The following EED variants were observed in gnomAD, a reference collection of about 807,000 sequenced individuals.
The protein encoded by EED is polycomb protein EED.
In EED, 9 loss-of-function variants were observed where a neutral mutation model predicts 61.0. The ratio of observed to expected loss-of-function variants is 0.15; its 90% CI spans 0.09 to 0.26. The LOEUF is 0.26. Ranked by LOEUF, EED falls within the 10% of genes least tolerant of loss-of-function variation. The pLI, the probability that EED is intolerant of heterozygous loss-of-function variation, is 1.00. For missense variants in EED, 315 were observed against 542.3 expected (o/e 0.58, Z 4.16); for synonymous variants, 187 against 174.4 (o/e 1.07, Z -0.57).
rs777795883 is a variant in EED at position 86,256,401 on chromosome 11, T to C, written c.441T>C (p.Phe147=). Reference sequence around the variant, plus strand: ...GAATTTCTTAGGCTGATGAAAACTTTTACACTTGTGCATGGACCTATGATA... The same window carrying C: ...GAATTTCTTAGGCTGATGAAAACTTCTACACTTGTGCATGGACCTATGATA... ...SYVDADADEN[F]YTCAWTYDSN... is the part of the protein sequence containing the mutation. Residue 147 remains phenylalanine (F), a synonymous_variant, in exon 5 of 12, where the codon TTT becomes TTC. Transcript: ENST00000263360. 5.0e-6 allele frequency: 8 copies of C among 1,587,566 alleles called. No homozygotes were observed. Among genetic ancestry groups the C allele is most frequent in the Admixed American group, 1.8e-5 (1 of 56,700 alleles).
At chr11:86,270,247 T>C (rs764017160) in intron 9 of EED, 77 of 560,184 alleles carry the variant, frequency 1.4e-4, no homozygotes, top group Non-Finnish European at 2.3e-4. Flanking sequence ...TGATGGCTAG[T>C]GATGTTGAAC....
At chr11:86,277,270 C>G in intron 10 of EED, 132 bp downstream of exon 10, 2 of 806,640 alleles carry the variant, frequency 2.5e-6, no homozygotes, top group Admixed American at 6.1e-5. Flanking sequence ...ATTACTTTGC[C>G]CTTTGATGTC....
chr11:86,272,769 G>A (rs1345588423), intron 9 of EED, among the ~76,000 whole-genome samples: 1 of 152,082 alleles, frequency 6.6e-6, no homozygotes, highest in Non-Finnish European at 1.5e-5. Context: ...AATTGAGTAA[G>A]TTTCTTGTAG....
Position 86,278,538 on chromosome 11 carries a change from TAATCA to T in EED, c.*16_*20del, listed in dbSNP as rs1946282488. 1 of 1,611,800 alleles carries T rather than the reference TAATCA, an allele frequency of 6.2e-7. No individual in the cohort carries two copies. The highest frequency in any genetic ancestry group is 1.3e-5 in the African/African-American group (1 of 74,890). ...TCGACTTCGATAAAATACTTTTGCC[TAATCA>T]AAATTAGAGTGTGTTTGTTGTCTGT... On this transcript the variant is annotated 3_prime_UTR_variant, in exon 12 of 12. Transcript: ENST00000263360.
At chr11:86,246,353 C>T (rs1337953623) in intron 1 of EED, among the ~76,000 whole-genome samples, 1 of 152,190 alleles carries the variant, frequency 6.6e-6, no homozygotes, top group Non-Finnish European at 1.5e-5. Context: ...TTTAAAAAAT[C>T]CTTAAAATGT....
chr11:86,273,429 A>G (rs913088516), intron 9 of EED, among the ~76,000 whole-genome samples: 1 of 152,258 alleles, frequency 6.6e-6, no homozygotes, highest in African/African-American at 2.4e-5. Context: ...TTCTTCAACC[A>G]TCAAACATAA....
In EED at chr11:86,255,399, C is replaced by T. The variant is rs368763280; in HGVS notation, c.426+112C>T. On this transcript the variant is annotated intron_variant, in intron 4 of 11. Transcript: ENST00000263360. ...CCTAAAGTTATTGTTCTTTCTTAAC[C>T]GATTTCTTCACTATCACCCAAGAGA... The T allele has an allele frequency of 3.4e-4, 286 of 851,094 alleles. 3 individuals are homozygous for T. In the South Asian group the frequency reaches 5.3e-3, roughly 16 times the overall value. 52.7% of individuals were successfully genotyped at this position (851,094 alleles called of 1,614,324 possible).
chr11:86,252,206 A>C lies in EED; in HGVS notation c.326A>C (p.Asp109Ala), dbSNP rs754218053. Reference protein sequence around the residue: ...VQFNWHSKEGDPLVFATVGSN... With the variant: ...VQFNWHSKEGAPLVFATVGSN... The stretch of plus-strand genomic sequence containing the variant: ...TTTAACTGGCACAGTAAAGAAGGAG[A>C]TCCATTAGTGTTTGCAACTGTAGGA... The change falls in exon 3 of 12, where the codon GAT (aspartate) becomes GCT (alanine). Residue 109 changes from aspartate (D) to alanine (A), a missense_variant. Coordinates refer to ENST00000263360, the MANE Select transcript of EED (RefSeq NM_003797.5). 1.2e-6 allele frequency: 2 copies of C among 1,611,922 alleles called. No homozygotes were observed. The highest frequency in any genetic ancestry group is 2.2e-5 in the South Asian group (2 of 90,830).
In EED at chr11:86,244,884, T is replaced by G; in HGVS notation, c.-346T>G. On this transcript the variant is annotated 5_prime_UTR_variant, in exon 1 of 12. Transcript: ENST00000263360. The stretch of plus-strand genomic sequence containing the variant: ...TGAGTTTCGCCTCTTCTCGAGGCGG[T>G]GGTGGGAAGGGAGACATACTTAATA... 1 of 247,540 alleles carries G rather than the reference T, an allele frequency of 4.0e-6. No homozygotes were observed. The highest frequency in any genetic ancestry group is 1.3e-4 in the South Asian group (1 of 7,998). 15.3% of individuals were successfully genotyped at this position (247,540 alleles called of 1,614,324 possible).
chr11:86,247,799 G>C (rs896222039), intron 1 of EED, among the ~76,000 whole-genome samples: 3 of 152,268 alleles, frequency 2.0e-5, no homozygotes, highest in Non-Finnish European at 1.5e-5. Flanking sequence ...GGCCAAAGCA[G>C]ATGGGGTGTG....
chr11:86,247,391 A>G (rs988351875), intron 1 of EED, among the ~76,000 whole-genome samples: 3 of 152,224 alleles, frequency 2.0e-5, no homozygotes, highest in African/African-American at 7.2e-5. Flanking sequence ...TATTTCTAAA[A>G]CAAATTTTAG....
rs561777177 is a variant in EED, at chr11:86,278,638, A to G, written c.*113A>G. On this transcript the variant is annotated 3_prime_UTR_variant, in exon 12 of 12. Coordinates refer to ENST00000263360, the MANE Select transcript of EED (RefSeq NM_003797.5). ...ATTTAGAGTTGTCTTTCAGCATTCAATCAGGCTGAGCTGAATGTAGTGATG... is the reference window on the plus strand; with the variant it reads ...ATTTAGAGTTGTCTTTCAGCATTCAGTCAGGCTGAGCTGAATGTAGTGATG... 88 of 1,386,256 alleles carry G rather than the reference A, an allele frequency of 6.3e-5. No homozygotes were observed. In the African/African-American group the frequency reaches 7.7e-4, roughly 12 times the overall value. The allele number at this position is 1,386,256 out of a possible 1,614,324, so 85.9% of individuals were successfully genotyped here.
the EED span, among the ~76,000 whole-genome samples, chr11:86,287,223 G>A: frequency 3.3e-5 from 5 of 151,978 alleles, no homozygotes; most frequent in African/African-American, 4.8e-5. Flanking sequence ...TTTTACCAAG[G>A]GTAGTGGAAG....
intron 9 of EED, among the ~76,000 whole-genome samples, chr11:86,275,407 C>T (rs1281104283): frequency 3.9e-5 from 6 of 152,158 alleles, no homozygotes; most frequent in African/African-American, 1.2e-4. Context: ...GGCTCTGCAT[C>T]GGACTCACTA....
At chr11:86,283,886 A>G in the EED span, 1 of 152,056 alleles carries the variant, frequency 6.6e-6, no homozygotes, top group Admixed American at 6.5e-5. Flanking sequence ...AGTGAAGGAA[A>G]TATTTGAAGA....
chr11:86,263,165 TG>T (rs1390664741), intron 6 of EED, among the ~76,000 whole-genome samples: 3 of 152,230 alleles, frequency 2.0e-5, no homozygotes, highest in Non-Finnish European at 2.9e-5. Context: ...GAGACCTCAC[TG>T]AATGAGACCA....
chr11:86,261,539 C>T (rs1225684021), intron 6 of EED, among the ~76,000 whole-genome samples: 3 of 152,170 alleles, frequency 2.0e-5, no homozygotes, highest in Non-Finnish European at 4.4e-5. Context: ...TGGCTTTTTC[C>T]CCATGGCTCC....
intron 1 of EED, 72 bp downstream of exon 1, chr11:86,245,415 G>A (rs1442735661): frequency 1.5e-6 from 2 of 1,306,860 alleles, no homozygotes; most frequent in Admixed American, 4.1e-5. Context: ...GGGGGGCGCG[G>A]GGACGAGCGG....
chr11:86,273,028 T>A (rs1419068027), intron 9 of EED, among the ~76,000 whole-genome samples: 1 of 151,792 alleles, frequency 6.6e-6, no homozygotes, highest in Non-Finnish European at 1.5e-5. Context: ...TTTTACAATA[T>A]TTTTTTTTCT....
Sources: allele counts gnomAD v4.1 joint callset (sites outside exome capture counted in the v4.1 genomes callset), GRCh38; gene constraint gnomAD v4.1.1; transcripts MANE v1.5; gene names NCBI Gene and HGNC (gene_info 2026-07-23, HGNC 2026-07-21).